Variants in LIPG observed in about 807,000 individuals in gnomAD.
LIPG encodes the protein endothelial lipase.
Under a neutral mutation model 51.8 loss-of-function variants are expected in LIPG, and 34 were observed. The ratio of observed to expected loss-of-function variants is 0.66; its 90% CI spans 0.50 to 0.87. The LOEUF (loss-of-function observed/expected upper bound fraction) is 0.87. Ranked by LOEUF, LIPG falls within the 40% of genes least tolerant of loss-of-function variation. The pLI is 0.00. For synonymous variants in LIPG, 246 were observed against 246.1 expected (o/e 1.00, Z 0.00); for missense variants, 580 against 652.7 (o/e 0.89, Z 1.21).
At chr18:49,577,593 G>C (rs1312481898) in intron 5 of LIPG, among the ~76,000 whole-genome samples, 3 of 149,066 alleles carry the variant, frequency 2.0e-5, no homozygotes, top group Non-Finnish European at 4.4e-5. Flanking sequence ...AGTAGGGGCG[G>C]CCGGGCAGAG....
At chr18:49,570,760 T>C (rs1224414436) in intron 4 of LIPG, among the ~76,000 whole-genome samples, 1 of 151,870 alleles carries the variant, frequency 6.6e-6, no homozygotes, top group African/African-American at 2.4e-5. Flanking sequence ...ACCAAGGAGG[T>C]AGAGGTTGCA....
intron 8 of LIPG, among the ~76,000 whole-genome samples, chr18:49,586,040 T>G (rs2084876512): frequency 6.6e-6 from 1 of 152,188 alleles, no homozygotes; most frequent in Admixed American, 6.5e-5. Flanking sequence ...CCCACACCCT[T>G]AAGGATTACG....
At chr18:49,567,166 G>A (rs1385794131) in intron 2 of LIPG, among the ~76,000 whole-genome samples, 1 of 152,074 alleles carries the variant, frequency 6.6e-6, no homozygotes, top group Non-Finnish European at 1.5e-5. Context: ...GTGAGACCCT[G>A]TTGCTGCAAA....
chr18:49,579,866 T>A (rs528142378), intron 5 of LIPG, among the ~76,000 whole-genome samples: 76 of 151,380 alleles, frequency 5.0e-4, no homozygotes, highest in Non-Finnish European at 4.1e-4. Context: ...CAGGCTGGAG[T>A]GCAATGGTGT....
In LIPG at chr18:49,567,833, T is replaced by C. The variant is rs2084623412; in HGVS notation, c.459+212T>C. The C allele has an allele frequency of 5.4e-6, 3 of 556,372 alleles. No individual in the cohort carries two copies. The Admixed American group carries it at 1.0e-4, about 19-fold the overall frequency. The allele number at this position is 556,372 out of a possible 1,614,324, so 34.5% of individuals were successfully genotyped here. A position where few individuals can be genotyped will look rare whatever the true frequency, so the allele number is the denominator to read the frequency against. On this transcript the variant is annotated intron_variant, in intron 3 of 9. Transcript: ENST00000261292. ...TTAATTATTGATAGATCTCTGGATT[T>C]TTCCTGTTACTTAATTTGCTGAAAA...
intron 8 of LIPG, among the ~76,000 whole-genome samples, chr18:49,586,150 C>A (rs1421782044): frequency 6.6e-6 from 1 of 152,140 alleles, no homozygotes; most frequent in Non-Finnish European, 1.5e-5. Flanking sequence ...TCTTGGCTGT[C>A]CATTTGCTGA....
intron 5 of LIPG, among the ~76,000 whole-genome samples, chr18:49,578,207 A>G (rs376879590): frequency 2.3e-5 from 3 of 127,830 alleles, no homozygotes; most frequent in South Asian, 2.7e-4. Flanking sequence ...CCGGGCGGAG[A>G]GGCTCCTCAC....
chr18:49,588,335 T>C (rs1312898600), intron 9 of LIPG, among the ~76,000 whole-genome samples: 1 of 147,716 alleles, frequency 6.8e-6, no homozygotes, highest in Non-Finnish European at 1.5e-5. Flanking sequence ...CAGGCTGGAG[T>C]GCAGTGGAGT....
rs1231084858 is a variant in LIPG, at chr18:49,588,282, CT to C, written c.1481+1450del. ...AGTGTGGGCCTAATTCTCCCACACACTTTTTTTTTTTTTTTTTTGAGACAAA... is the reference window on the plus strand; with the variant it reads ...AGTGTGGGCCTAATTCTCCCACACACTTTTTTTTTTTTTTTTTGAGACAAA... On this transcript the variant is annotated intron_variant, in intron 9 of 9. Transcript: ENST00000261292. Among the ~76,000 whole-genome samples the C allele has an allele frequency of 6.7e-3, 895 of 132,728 alleles. 5 individuals are homozygous for C. The highest frequency in any genetic ancestry group is 0.016 in the African/African-American group (562 of 35,898). The allele number at this position is 132,728 out of a possible 152,430, so 87.1% of individuals were successfully genotyped here.
intron 9 of LIPG, chr18:49,590,026 T>C (rs2084923713): frequency 3.9e-6 from 1 of 258,792 alleles, no homozygotes; most frequent in Non-Finnish European, 7.6e-6. Flanking sequence ...AGAGGTTCAG[T>C]GGTGTGTTCA....
chr18:49,584,446 C>G (rs1296404806), intron 8 of LIPG, among the ~76,000 whole-genome samples: 1 of 152,230 alleles, frequency 6.6e-6, no homozygotes, highest in Non-Finnish European at 1.5e-5. Flanking sequence ...TTTTTCTAAA[C>G]AGAAGCCAGG....
At chr18:49,567,336 C>T in intron 2 of LIPG, 106 bp from the exon 3 acceptor site, 1 of 996,180 alleles carries the variant, frequency 1.0e-6, no homozygotes, top group Non-Finnish European at 1.4e-6. Flanking sequence ...GACCCTGAGT[C>T]AAAAAAAAAA....
Position 49,567,427 on chromosome 18 carries a change from C to T in LIPG, c.280-15C>T. The stretch of plus-strand genomic sequence containing the variant: ...GAAACCAAGAATAAAAAACAACTTC[C>T]ACTTTTCTCTGCAGATGAGCGGTAT... On this transcript the variant is annotated splice_polypyrimidine_tract_variant and intron_variant, in intron 2 of 9. Transcript: ENST00000261292. 6.2e-7 allele frequency: 1 copy of T among 1,612,722 alleles called. No homozygotes were observed.
chr18:49,571,521 C>T (rs910711633), intron 4 of LIPG, among the ~76,000 whole-genome samples: 1 of 152,188 alleles, frequency 6.6e-6, no homozygotes, highest in African/African-American at 2.4e-5. Flanking sequence ...TGCCCACATG[C>T]CCTGAGCATG....
In LIPG at chr18:49,592,851, CA is replaced by C. The variant is rs2084959189; in HGVS notation, c.*2331del. ...TGGTTAGTGTTTACCTAAGGTTAACCAATTTCAAGATTAAAATTTTTAAATA... is the reference window on the plus strand; with the variant it reads ...TGGTTAGTGTTTACCTAAGGTTAACCATTTCAAGATTAAAATTTTTAAATA... On this transcript the variant is annotated 3_prime_UTR_variant, in exon 10 of 10. Coordinates refer to ENST00000261292, the MANE Select transcript of LIPG (RefSeq NM_006033.4). The C allele has an allele frequency of 6.7e-6, 1 of 149,870 alleles. No homozygotes were observed. The highest frequency in any genetic ancestry group is 2.5e-5 in the African/African-American group (1 of 40,766). 9.3% of individuals were successfully genotyped at this position (149,870 alleles called of 1,614,324 possible).
At chr18:49,567,659 G>T in intron 3 of LIPG, 38 bp downstream of exon 3, 1 of 1,606,314 alleles carries the variant, frequency 6.2e-7, no homozygotes, top group Non-Finnish European at 8.5e-7. Context: ...GTCACCAGCA[G>T]GATCTCAAAC....
Position 49,595,614 on chromosome 18 carries a change from G to A in LIPG, c.*5092G>A, listed in dbSNP as rs914797480. The stretch of plus-strand genomic sequence containing the variant: ...GGAGGCTGAGATGGGAGGATCACGA[G>A]GTCAGGAGTGCGAGACCAGCCTGGC... On this transcript the variant is annotated 3_prime_UTR_variant, in exon 10 of 10. Coordinates refer to ENST00000261292, the MANE Select transcript of LIPG (RefSeq NM_006033.4). 6.6e-6 allele frequency: 1 copy of A among 152,242 alleles called. No individual in the cohort carries two copies. Among genetic ancestry groups the A allele is most frequent in the African/African-American group, 2.4e-5 (1 of 41,464 alleles). 9.4% of individuals were successfully genotyped at this position (152,242 alleles called of 1,614,324 possible).
rs111384586 is a variant in LIPG, at chr18:49,567,508, G to A, written c.346G>A (p.Ala116Thr). The A allele has an allele frequency of 9.9e-6, 16 of 1,613,990 alleles. No individual in the cohort carries two copies. Among genetic ancestry groups the A allele is most frequent in the Non-Finnish European group, 8.5e-6 (10 of 1,180,020 alleles). ...AGCCCTGCACACAAGAGAGAAAGAC[G>A]CCAATGTAGTTGTGGTTGACTGGCT... ...VSALHTREKD[A>T]NVVVVDWLPL... The change falls in exon 3 of 10, where the codon GCC becomes ACC. Residue 116 changes from alanine (A) to threonine (T), a missense_variant. Ala to Thr is a moderately conservative substitution (Grantham distance 58). Transcript: ENST00000261292.
At chr18:49,579,798 C>CTT (rs779641355) in intron 5 of LIPG, among the ~76,000 whole-genome samples, 13 of 144,554 alleles carry the variant, frequency 9.0e-5, no homozygotes, top group African/African-American at 3.2e-4. Context: ...CTTTTCTTTT[C>CTT]TTTTCTTTTC....
Sources: gnomAD v4.1 joint callset for allele counts (sites outside exome capture counted in the v4.1 genomes callset) on GRCh38, gnomAD v4.1.1 for gene constraint, MANE v1.5 for transcripts, NCBI Gene and HGNC (gene_info 2026-07-23, HGNC 2026-07-21) for gene names.